ANAPC7: variants seen among roughly 807,000 people sequenced by gnomAD.
ANAPC7 encodes anaphase-promoting complex subunit 7.
In ANAPC7, 25 loss-of-function variants were observed where a neutral mutation model predicts 63.3. The ratio of observed to expected loss-of-function variants is 0.39; its 90% confidence interval spans 0.29 to 0.55. ANAPC7 has a LOEUF of 0.55. Among genes scored for constraint, ANAPC7 ranks in the 20% least tolerant of loss-of-function variants. The pLI, the probability that ANAPC7 is intolerant of heterozygous loss-of-function variation, is 0.57. For synonymous variants in ANAPC7, 241 were observed against 251.7 expected (o/e 0.96, Z 0.40); for missense variants, 516 against 691.7 (o/e 0.75, Z 2.85).
intron 8 of ANAPC7, among the ~76,000 whole-genome samples, chr12:110,380,451 G>A (rs1197578738): frequency 6.6e-6 from 1 of 151,516 alleles, no homozygotes; most frequent in Non-Finnish European, 1.5e-5. Context: ...AGGAGTTCGA[G>A]ACCAGCCTGG....
At chr12:110,377,351 A>G (rs368416947) in intron 9 of ANAPC7, 42 bp downstream of exon 9, 118 of 1,569,648 alleles carry the variant, frequency 7.5e-5, no homozygotes, top group Non-Finnish European at 9.3e-5. Context: ...CAGGTTTTAT[A>G]AAAATTAATG....
At chr12:110,389,856 C>T (rs925826788) in intron 3 of ANAPC7, among the ~76,000 whole-genome samples, 1 of 151,334 alleles carries the variant, frequency 6.6e-6, no homozygotes, top group Non-Finnish European at 1.5e-5. Flanking sequence ...GACGTGAACC[C>T]GGAAGGCAGA....
chr12:110,394,795 A>T (rs1225915787), intron 3 of ANAPC7, among the ~76,000 whole-genome samples: 1 of 151,944 alleles, frequency 6.6e-6, no homozygotes, highest in African/African-American at 2.4e-5. Context: ...GCAGTGAGCC[A>T]GGATCACAAC....
chr12:110,386,323 T>C lies in ANAPC7; in HGVS notation c.817+4A>G, dbSNP rs750575361. ...ACTGTCTTCCTGCCCCAAGAATTACTTACCTTTTATCAGATAAGGATCCAA... is the reference window on the plus strand; with the variant it reads ...ACTGTCTTCCTGCCCCAAGAATTACCTACCTTTTATCAGATAAGGATCCAA... On this transcript the variant is annotated splice_donor_region_variant and intron_variant, in intron 6 of 10. Coordinates refer to ENST00000455511, the MANE Select transcript of ANAPC7 (RefSeq NM_016238.3). The C allele has an allele frequency of 2.8e-5, 45 of 1,613,728 alleles. No homozygotes were observed. Among genetic ancestry groups the C allele is most frequent in the Non-Finnish European group, 3.6e-5 (43 of 1,179,976 alleles).
intron 4 of ANAPC7, among the ~76,000 whole-genome samples, chr12:110,388,271 A>C (rs1209225713): frequency 6.6e-6 from 1 of 152,128 alleles, no homozygotes; most frequent in Non-Finnish European, 1.5e-5. Context: ...TGCTGAGCTC[A>C]GGCAATCCAC....
At chr12:110,382,458 AAAAATATATATATATATATATAT>A (rs1268660090) in intron 7 of ANAPC7, among the ~76,000 whole-genome samples, 5 of 80,490 alleles carry the variant, frequency 6.2e-5, no homozygotes, top group Admixed American at 1.6e-4. Flanking sequence ...AAAAAAAAAA[AAAAATATATATATATATATATAT>A]ATATATATAT....
chr12:110,384,158 C>T (rs1592905670), intron 6 of ANAPC7, among the ~76,000 whole-genome samples: 1 of 151,762 alleles, frequency 6.6e-6, no homozygotes, highest in Non-Finnish European at 1.5e-5. Flanking sequence ...GCCGAGATTG[C>T]ACCACTGCAC....
chr12:110,381,953 A>AG lies in ANAPC7; in HGVS notation c.936-6dup, dbSNP rs111406162. Reference sequence around the variant, plus strand: ...TTGCTATAGAAGCTGTGACAGCTGGAGAAAAAAAAAAAAAAAAAAACACAA... The same window carrying AG: ...TTGCTATAGAAGCTGTGACAGCTGGAGGAAAAAAAAAAAAAAAAAAACACAA... On this transcript the variant is annotated splice_polypyrimidine_tract_variant and splice_region_variant and intron_variant, in intron 7 of 10. Coordinates refer to ENST00000455511, the MANE Select transcript of ANAPC7 (RefSeq NM_016238.3). 2.4e-3 allele frequency: 1,406 copies of AG among 597,136 alleles called. 3 individuals carry two copies. The highest frequency in any genetic ancestry group is 0.012 in the Admixed American group (297 of 23,910). 37.0% of individuals were successfully genotyped at this position (597,136 alleles called of 1,614,324 possible). A position where few individuals can be genotyped will look rare whatever the true frequency, so the allele number is the denominator to read the frequency against.
chr12:110,375,098 C>G (rs888679157), intron 10 of ANAPC7, among the ~76,000 whole-genome samples: 2 of 152,194 alleles, frequency 1.3e-5, no homozygotes, highest in Non-Finnish European at 2.9e-5. Flanking sequence ...TAAAAAGCAG[C>G]TAAAACCCAT....
intron 1 of ANAPC7, 74 bp downstream of exon 1, chr12:110,403,453 C>A: frequency 6.7e-7 from 1 of 1,493,272 alleles, no homozygotes; most frequent in Non-Finnish European, 9.1e-7. Context: ...CCTGTTCCCA[C>A]GTGCCCTGAG....
intron 1 of ANAPC7, 56 bp from the exon 2 acceptor site, chr12:110,396,508 C>T: frequency 7.2e-7 from 1 of 1,394,408 alleles, no homozygotes; most frequent in Non-Finnish European, 9.6e-7. Context: ...TCCAAGCTCC[C>T]CCAGCTTCTT....
chr12:110,386,491 T>A (rs760520067), intron 5 of ANAPC7, 22 bp from the exon 6 acceptor site: 1 of 1,590,924 alleles, frequency 6.3e-7, no homozygotes, highest in South Asian at 1.1e-5. Flanking sequence ...TTATTAAACA[T>A]TGAACCTTTA....
At chr12:110,375,974 AGT>A in intron 10 of ANAPC7, 90 bp downstream of exon 10, 54 of 1,433,094 alleles carry the variant, frequency 3.8e-5, no homozygotes, top group Admixed American at 1.7e-4. Context: ...ATGGACACAA[AGT>A]GTGTGTGTGT....
chr12:110,395,063 G>A (rs751162576), intron 3 of ANAPC7, 38 bp downstream of exon 3: 12 of 1,600,346 alleles, frequency 7.5e-6, no homozygotes, highest in South Asian at 3.3e-5. Context: ...GCAGGGTTAG[G>A]AGAGCTGAGG....
chr12:110,391,588 A>G (rs1303161784), intron 3 of ANAPC7, among the ~76,000 whole-genome samples: 2 of 152,170 alleles, frequency 1.3e-5, no homozygotes, highest in Non-Finnish European at 2.9e-5. Flanking sequence ...GCACTACAGA[A>G]TGAAGGATAT....
chr12:110,389,801 G>A (rs1483529577), intron 3 of ANAPC7, among the ~76,000 whole-genome samples: 3 of 151,966 alleles, frequency 2.0e-5, no homozygotes, highest in South Asian at 2.1e-4. Flanking sequence ...GCGTGGTGGC[G>A]GGCGCCTGTA....
chr12:110,395,284 G>T, intron 2 of ANAPC7, 64 bp from the exon 3 acceptor site: 2 of 1,479,282 alleles, frequency 1.4e-6, no homozygotes, highest in South Asian at 1.3e-5. Flanking sequence ...TCTTCAAAAC[G>T]TTAAACATAG....
At chr12:110,383,204 C>T (rs28592908) in intron 6 of ANAPC7, 41,444 of 366,172 alleles carry the variant, frequency 0.11, 3,392 homozygotes, top group African/African-American at 0.29. Context: ...TTTAAGAAGC[C>T]GAGGCAGGTG....
intron 1 of ANAPC7, 26 bp downstream of exon 1, chr12:110,403,501 C>A: frequency 6.4e-7 from 1 of 1,564,556 alleles, no homozygotes; most frequent in South Asian, 1.2e-5. Context: ...CTCCTCAGCC[C>A]CAGGCAGCTA....
Sources: allele counts gnomAD v4.1 joint callset (sites outside exome capture counted in the v4.1 genomes callset), GRCh38; gene constraint gnomAD v4.1.1; transcripts MANE v1.5; gene names NCBI Gene and HGNC (gene_info 2026-07-23, HGNC 2026-07-21).